CNTNAP4: variants seen among roughly 807,000 people sequenced by gnomAD.
CNTNAP4 encodes contactin-associated protein-like 4.
CNTNAP4 carries 98 observed loss-of-function variants against 148.4 expected under a neutral mutation model. The observed-to-expected ratio is 0.66, with a 90% CI of 0.56 to 0.78. The LOEUF is 0.78. Among genes scored for constraint, CNTNAP4 ranks in the 30% least tolerant of loss-of-function variants. The pLI is 0.00. For synonymous variants in CNTNAP4, 730 were observed against 565.1 expected (o/e 1.29, Z -4.14); for missense variants, 1,935 against 1,565.6 (o/e 1.24, Z -3.98).
At chr16:76,378,891 T>C (rs528925056) in intron 3 of CNTNAP4, among the ~76,000 whole-genome samples, 162 of 152,326 alleles carry the variant, frequency 1.1e-3, no homozygotes, top group Middle Eastern at 0.01. Context: ...ACCTGAGCCA[T>C]CTTTGTGTGG....
chr16:76,289,233 A>G (rs1158964509), intron 1 of CNTNAP4, among the ~76,000 whole-genome samples: 1 of 152,130 alleles, frequency 6.6e-6, no homozygotes, highest in Non-Finnish European at 1.5e-5. Flanking sequence ...CTATGCCTGT[A>G]GCACGTGCCC....
chr16:76,539,912 C>G (rs1842000030), intron 20 of CNTNAP4, 60 bp downstream of exon 20: 6 of 1,312,942 alleles, frequency 4.6e-6, no homozygotes, highest in African/African-American at 1.5e-5. Flanking sequence ...TGAAGGATCT[C>G]AAGCAGAAAT....
chr16:76,309,463 T>A (rs557809913), intron 1 of CNTNAP4, among the ~76,000 whole-genome samples: 1 of 152,250 alleles, frequency 6.6e-6, no homozygotes, highest in South Asian at 2.1e-4. Flanking sequence ...GGGGAGGCTG[T>A]AGGCAGGCTG....
At chr16:76,446,645 A>G (rs1328287024) in intron 4 of CNTNAP4, among the ~76,000 whole-genome samples, 3 of 152,222 alleles carry the variant, frequency 2.0e-5, no homozygotes, top group African/African-American at 7.2e-5. Flanking sequence ...AGACCTTACA[A>G]TATCATTAAG....
chr16:76,295,839 A>T (rs1180169684), intron 1 of CNTNAP4, among the ~76,000 whole-genome samples: 1 of 152,114 alleles, frequency 6.6e-6, no homozygotes, highest in Non-Finnish European at 1.5e-5. Flanking sequence ...ATTTTTTGAA[A>T]CAGAGTCTTG....
chr16:76,338,046 A>T (rs1472389671), intron 2 of CNTNAP4, among the ~76,000 whole-genome samples: 1 of 152,232 alleles, frequency 6.6e-6, no homozygotes, highest in Non-Finnish European at 1.5e-5. Flanking sequence ...CAGGATCCTG[A>T]GGTGACATAC....
At chr16:76,557,417 T>G (rs1025883322) in intron 23 of CNTNAP4, 2 of 152,186 alleles carry the variant, frequency 1.3e-5, no homozygotes, top group African/African-American at 4.8e-5. Flanking sequence ...CGTAAGTGCT[T>G]TTCCTGGAGA....
chr16:76,277,522 A>T lies in CNTNAP4; in HGVS notation c.-141A>T, dbSNP rs1004067461. 1.2e-5 allele frequency: 7 copies of T among 599,804 alleles called. No homozygotes were observed. In the Admixed American group the frequency reaches 1.4e-4, roughly 12 times the overall value. The allele number at this position is 599,804 out of a possible 1,614,324, so 37.2% of individuals were successfully genotyped here. On this transcript the variant is annotated 5_prime_UTR_variant, in exon 1 of 24. Transcript: ENST00000611870. ...GGAGGGAAGAAGAAAAGACGGAGGG[A>T]GGTGAGGAGGAAGGGAGGGGGAGAG...
In CNTNAP4 at chr16:76,397,797, T is replaced by TTGTGTGTG. The variant is rs10687638; in HGVS notation, c.391-29641_391-29634dup. Among the ~76,000 whole-genome samples, 651 of 144,182 alleles carry TTGTGTGTG rather than the reference T, an allele frequency of 4.5e-3. 6 individuals carry two copies. The highest frequency in any genetic ancestry group is 0.016 in the African/African-American group (621 of 39,132). The allele number at this position is 144,182 out of a possible 152,430, so 94.6% of individuals were successfully genotyped here. ...TTATAAGCTTTATGTGTGCATGTGT[T>TTGTGTGTG]TGTGTGTGTGTGTGTGTGTGTAGAG... On this transcript the variant is annotated intron_variant, in intron 3 of 23. Transcript: ENST00000611870.
chr16:76,300,871 A>G (rs1959887930), intron 1 of CNTNAP4, among the ~76,000 whole-genome samples: 1 of 152,116 alleles, frequency 6.6e-6, no homozygotes, highest in Admixed American at 6.5e-5. Context: ...TTAGGGAAGT[A>G]CCTGGATGTC....
intron 1 of CNTNAP4, among the ~76,000 whole-genome samples, chr16:76,289,089 A>G (rs960585810): frequency 1.1e-4 from 16 of 152,142 alleles, no homozygotes; most frequent in African/African-American, 3.6e-4. Flanking sequence ...AATTTATAGC[A>G]AATGTAATTT....
At chr16:76,454,351 C>T (rs2080640586) in intron 8 of CNTNAP4, among the ~76,000 whole-genome samples, 1 of 152,014 alleles carries the variant, frequency 6.6e-6, no homozygotes, top group Admixed American at 6.6e-5. Flanking sequence ...TTTCTAACCG[C>T]TTTACAAGCA....
chr16:76,449,761 C>T lies in CNTNAP4; in HGVS notation c.974C>T (p.Pro325Leu). 6.3e-7 allele frequency: 1 copy of T among 1,597,116 alleles called. No individual in the cohort carries two copies. Among genetic ancestry groups the T allele is most frequent in the Middle Eastern group, 1.7e-4 (1 of 6,024 alleles). The part of the protein sequence containing the change: ...IPAPGKSVSF[P>L]HRNFHGCLEN... ...GCACCTGGAAAATCAGTGTCATTCC[C>T]ACATAGAAATTTTCATGGATGTTTA... Residue 325 changes from proline to leucine, a missense_variant, in exon 7 of 24, where the codon CCA becomes CTA. Pro to Leu is a moderately conservative substitution (Grantham distance 98). Coordinates refer to ENST00000611870, the MANE Select transcript of CNTNAP4 (RefSeq NM_033401.5).
intron 6 of CNTNAP4, among the ~76,000 whole-genome samples, chr16:76,449,398 C>T (rs928519934): frequency 2.6e-5 from 4 of 152,076 alleles, no homozygotes; most frequent in African/African-American, 9.6e-5. Flanking sequence ...GTGCTAGAAG[C>T]GTATCTAAAA....
At chr16:76,415,223 C>A (rs1007034983) in intron 3 of CNTNAP4, among the ~76,000 whole-genome samples, 5 of 151,090 alleles carry the variant, frequency 3.3e-5, no homozygotes, top group Non-Finnish European at 7.4e-5. Context: ...ATACATATGA[C>A]CACTGTTTCC....
At chr16:76,540,973 G>A in intron 21 of CNTNAP4, among the ~76,000 whole-genome samples, 183 bp downstream of exon 21, 1 of 152,146 alleles carries the variant, frequency 6.6e-6, no homozygotes, top group East Asian at 1.9e-4. Context: ...GGCGTCCTGT[G>A]TGATGAGCAA....
intron 17 of CNTNAP4, among the ~76,000 whole-genome samples, chr16:76,522,849 G>A (rs1207895935): frequency 8.0e-5 from 12 of 150,354 alleles, no homozygotes; most frequent in African/African-American, 1.5e-4. Flanking sequence ...TGCAACCTCC[G>A]CCCCCAGGGT....
At chr16:76,461,415 C>G (rs1042464070) in intron 8 of CNTNAP4, among the ~76,000 whole-genome samples, 1 of 152,102 alleles carries the variant, frequency 6.6e-6, no homozygotes, top group African/African-American at 2.4e-5. Flanking sequence ...TCTCAAATAT[C>G]AAATCTACAA....
At position 76,540,738 on chromosome 16, in the gene CNTNAP4, A is replaced by T; in HGVS notation, c.3390A>T (p.Ser1130=). 1 of 1,577,772 alleles carries T rather than the reference A, an allele frequency of 6.3e-7. No individual in the cohort carries two copies. The highest frequency in any genetic ancestry group is 8.6e-7 in the Non-Finnish European group (1 of 1,159,890). ...DDNRRRQVHL[S]SGTEFSAVKS... ...ATAGAAGGAGACAAGTTCACCTGTCATCAGGCACAGAATTCAGTGCAGTCA... is the reference window on the plus strand; with the variant it reads ...ATAGAAGGAGACAAGTTCACCTGTCTTCAGGCACAGAATTCAGTGCAGTCA... The change falls in exon 21 of 24, where the codon TCA becomes TCT. Residue 1130 remains serine, a synonymous_variant. Coordinates refer to ENST00000611870, the MANE Select transcript of CNTNAP4 (RefSeq NM_033401.5).
Sources: gnomAD v4.1 joint callset for allele counts (sites outside exome capture counted in the v4.1 genomes callset) on GRCh38, gnomAD v4.1.1 for gene constraint, MANE v1.5 for transcripts, NCBI Gene and HGNC (gene_info 2026-07-23, HGNC 2026-07-21) for gene names.